Variants in CUX1 observed in about 807,000 individuals in gnomAD.
The protein encoded by CUX1 is cut like homeobox 1.
CUX1 carries 31 observed loss-of-function variants against 158.8 expected under a neutral mutation model. The ratio of observed to expected loss-of-function variants is 0.20; its 90% CI spans 0.15 to 0.26. The LOEUF (loss-of-function observed/expected upper bound fraction) is 0.26. CUX1 is among the 10% of genes least tolerant of loss of function. The pLI is 1.00. For missense variants in CUX1, 1,589 were observed against 2,014.6 expected (o/e 0.79, Z 4.04); for synonymous variants, 879 against 862.1 (o/e 1.02, Z -0.34).
intron 2 of CUX1, among the ~76,000 whole-genome samples, chr7:101,970,771 G>A (rs1811855742): frequency 6.6e-6 from 1 of 152,026 alleles, no homozygotes; most frequent in African/African-American, 2.4e-5. Context: ...GGGCAGGCTG[G>A]CCTTGAACTC....
chr7:102,281,567 G>A (rs1309657657), intron 20 of CUX1, among the ~76,000 whole-genome samples: 1 of 152,106 alleles, frequency 6.6e-6, no homozygotes, highest in East Asian at 1.9e-4. Flanking sequence ...GGAGGCTGAG[G>A]CAGGAGAATC....
At chr7:102,006,316 C>A (rs760047377) in intron 2 of CUX1, among the ~76,000 whole-genome samples, 1 of 152,164 alleles carries the variant, frequency 6.6e-6, no homozygotes, top group Admixed American at 6.5e-5. Flanking sequence ...CTCTGCTGAC[C>A]ACGCCTCAGT....
At chr7:102,148,959 T>C (rs1260610560) in intron 8 of CUX1, among the ~76,000 whole-genome samples, 2 of 152,086 alleles carry the variant, frequency 1.3e-5, no homozygotes, top group Non-Finnish European at 2.9e-5. Context: ...TCACTTAGAA[T>C]AATAGTCTTC....
At chr7:101,816,460 G>T (rs1427185309), upstream of CUX1, among the ~76,000 whole-genome samples, 1 of 141,508 alleles carries the variant, frequency 7.1e-6, no homozygotes, top group African/African-American at 2.5e-5. Flanking sequence ...GACCGGGGAG[G>T]GGGCGGCCCC....
At position 101,849,957 on chromosome 7, in the gene CUX1, C is replaced by T. The variant is rs868011954; in HGVS notation, c.30+32288C>T. Reference sequence around the variant, plus strand: ...TTTTTTTGACAGGGTCTCACTCTGTCGCCCAGGCTGGAGTGCAGTGGCGCG... The same window carrying T: ...TTTTTTTGACAGGGTCTCACTCTGTTGCCCAGGCTGGAGTGCAGTGGCGCG... On this transcript the variant is annotated intron_variant, in intron 1 of 23. Coordinates refer to ENST00000292535, the MANE Select transcript of CUX1 (RefSeq NM_181552.4). 1.5e-4 allele frequency among the ~76,000 whole-genome samples: 19 copies of T among 131,022 alleles called. No homozygotes were observed. In the South Asian group the frequency reaches 1.9e-3, roughly 13 times the overall value. 86.0% of individuals were successfully genotyped at this position (131,022 alleles called of 152,430 possible). A position where few individuals can be genotyped will look rare whatever the true frequency, so the allele number is the denominator to read the frequency against.
chr7:101,836,939 T>G (rs1794703299), intron 1 of CUX1, among the ~76,000 whole-genome samples: 1 of 152,026 alleles, frequency 6.6e-6, no homozygotes, highest in Non-Finnish European at 1.5e-5. Context: ...TGGCTCTGAG[T>G]GAGTCAGTCC....
chr7:101,982,675 C>T (rs1813583842), intron 2 of CUX1, among the ~76,000 whole-genome samples: 1 of 151,988 alleles, frequency 6.6e-6, no homozygotes, highest in African/African-American at 2.4e-5. Flanking sequence ...GATCTGCCTG[C>T]CTCGGCCTCT....
At chr7:101,938,186 C>T (rs946712887) in intron 2 of CUX1, among the ~76,000 whole-genome samples, 1 of 151,484 alleles carries the variant, frequency 6.6e-6, no homozygotes, top group African/African-American at 2.4e-5. Context: ...GATCACAGCT[C>T]ACTGCAGCCT....
chr7:101,846,976 T>A (rs558197387), intron 1 of CUX1, among the ~76,000 whole-genome samples: 11 of 151,858 alleles, frequency 7.2e-5, no homozygotes, highest in African/African-American at 2.7e-4. Context: ...TACAAAAAAA[T>A]TTAAAAAATT....
At chr7:101,958,877 GAC>G (rs1257578254) in intron 2 of CUX1, among the ~76,000 whole-genome samples, 1 of 96,124 alleles carries the variant, frequency 1.0e-5, no homozygotes, top group Non-Finnish European at 1.9e-5. Context: ...TTTTTTAAGA[GAC>G]AGTATTGCCC....
At chr7:102,242,205 CTTTTTTTTT>C (rs67514665) in intron 23 of CUX1, among the ~76,000 whole-genome samples, 2 of 93,030 alleles carry the variant, frequency 2.1e-5, no homozygotes, top group Admixed American at 1.4e-4. Context: ...TTCTTTCTTT[CTTTTTTTTT>C]TTTTTTTTTT....
intron 2 of CUX1, chr7:101,959,581 G>C (rs1810208564): frequency 6.6e-6 from 1 of 152,178 alleles, no homozygotes; most frequent in Non-Finnish European, 1.5e-5. Flanking sequence ...AGAGCAACGT[G>C]AAGAAATCAT....
intron 1 of CUX1, among the ~76,000 whole-genome samples, chr7:101,826,535 GC>G (rs1308693129): frequency 2.0e-5 from 3 of 152,052 alleles, no homozygotes; most frequent in African/African-American, 7.2e-5. Flanking sequence ...TTTTTCTTTT[GC>G]CCCTGTGTGC....
intron 4 of CUX1, among the ~76,000 whole-genome samples, chr7:102,087,006 TTTACTA>T (rs1828017041): frequency 6.6e-6 from 1 of 152,172 alleles, no homozygotes; most frequent in Non-Finnish European, 1.5e-5. Context: ...TTTCTATACT[TTTACTA>T]TTAACCTGTC....
At chr7:102,244,515 T>G (rs1800593163) in intron 23 of CUX1, among the ~76,000 whole-genome samples, 1 of 110,100 alleles carries the variant, frequency 9.1e-6, no homozygotes, top group Non-Finnish European at 2.0e-5. Context: ...CTGGGCAACA[T>G]AGTGAGACCA....
At chr7:102,242,870 T>C (rs1800370719) in intron 23 of CUX1, among the ~76,000 whole-genome samples, 1 of 152,224 alleles carries the variant, frequency 6.6e-6, no homozygotes, top group African/African-American at 2.4e-5. Context: ...ATGCCTCTTT[T>C]GTGCATTTTA....
At chr7:101,994,788 G>A (rs1815618694) in intron 2 of CUX1, among the ~76,000 whole-genome samples, 1 of 151,998 alleles carries the variant, frequency 6.6e-6, no homozygotes, top group East Asian at 1.9e-4. Flanking sequence ...CATCTCACGT[G>A]TCTAGAAGAG....
At position 102,248,325 on chromosome 7, in the gene CUX1, C is replaced by G. The variant is rs1801044886; in HGVS notation, c.3888-87C>G. On this transcript the variant is annotated intron_variant, in intron 23 of 23. Coordinates refer to ENST00000292535, the MANE Select transcript of CUX1 (RefSeq NM_181552.4). This position sits in a 1 kb window ranked among gnomAD's most constrained non-coding sequence, Gnocchi z 5.8. ...TCCAGGCTGGACGGAGCAGGAGCCC[C>G]AGAGAGAGGGGTCTGGCTGGGGTAG... 9 of 1,292,834 alleles carry G rather than the reference C, an allele frequency of 7.0e-6. No homozygotes were observed. The South Asian group carries it at 1.2e-4, about 18-fold the overall frequency. 80.1% of individuals were successfully genotyped at this position (1,292,834 alleles called of 1,614,324 possible).
intron 16 of CUX1, 42 bp from the exon 17 acceptor site, chr7:102,200,029 G>A (rs782354070): frequency 3.7e-5 from 57 of 1,536,264 alleles, no homozygotes; most frequent in Non-Finnish European, 2.1e-5. Context: ...ATTTTTGTCC[G>A]GGGTTTGGGT....
Sources: allele counts gnomAD v4.1 joint callset (sites outside exome capture counted in the v4.1 genomes callset), GRCh38; gene constraint gnomAD v4.1.1; non-coding constraint Gnocchi (gnomAD v3.1); transcripts MANE v1.5; gene names NCBI Gene and HGNC (gene_info 2026-07-23, HGNC 2026-07-21).